TNIK: variants seen among roughly 807,000 people sequenced by gnomAD.
The protein encoded by TNIK is TRAF2 and NCK-interacting protein kinase.
A neutral mutation model predicts 191.3 loss-of-function variants in TNIK; 49 were observed. That is an observed-to-expected ratio of 0.26 (90% confidence interval 0.20 to 0.32). The LOEUF (loss-of-function observed/expected upper bound fraction) is 0.32. Ranked by LOEUF, TNIK falls within the 10% of genes least tolerant of loss-of-function variation. TNIK has a pLI of 1.00. For missense variants in TNIK, 1,155 were observed against 1,702.3 expected (o/e 0.68, Z 5.66); for synonymous variants, 594 against 600.9 (o/e 0.99, Z 0.17).
intron 12 of TNIK, among the ~76,000 whole-genome samples, chr3:171,142,416 TAAC>T (rs1730967860): frequency 6.6e-6 from 1 of 152,354 alleles, no homozygotes; most frequent in South Asian, 2.1e-4. Flanking sequence ...GAATAAAGAC[TAAC>T]AACTATACAG....
chr3:171,453,437 G>A (rs1269087313), intron 1 of TNIK, among the ~76,000 whole-genome samples: 2 of 152,092 alleles, frequency 1.3e-5, no homozygotes, highest in Non-Finnish European at 2.9e-5. Flanking sequence ...AGCATCCATG[G>A]GGGAATGAAA....
At chr3:171,436,905 C>T (rs1012241018) in intron 1 of TNIK, among the ~76,000 whole-genome samples, 2 of 152,184 alleles carry the variant, frequency 1.3e-5, no homozygotes, top group Non-Finnish European at 2.9e-5. Context: ...TCACACAGAG[C>T]CAGTGCATTT....
chr3:171,365,389 T>A (rs1488423886), intron 2 of TNIK, among the ~76,000 whole-genome samples: 1 of 151,670 alleles, frequency 6.6e-6, no homozygotes, highest in African/African-American at 2.4e-5. Context: ...TCCACGTTGG[T>A]CAGGCTGGTC....
At chr3:171,078,017 C>A (rs189503663) in intron 28 of TNIK, among the ~76,000 whole-genome samples, 1 of 152,138 alleles carries the variant, frequency 6.6e-6, no homozygotes, top group Non-Finnish European at 1.5e-5. Context: ...GCTGCTGAGA[C>A]GTCCCAGGCC....
intron 2 of TNIK, among the ~76,000 whole-genome samples, chr3:171,361,116 CAGCCTCAGCCCAGCAGCTCTCTATCCTG>C (rs148830798): frequency 0.024 from 3,681 of 152,312 alleles, 160 homozygotes; most frequent in African/African-American, 0.084. Flanking sequence ...ACACTACAGA[CAGCCTCAGCCCAGCAGCTCTCTATCCTG>C]GCTGTGCATT....
At chr3:171,257,771 T>C (rs1213361575) in intron 2 of TNIK, among the ~76,000 whole-genome samples, 1 of 152,168 alleles carries the variant, frequency 6.6e-6, no homozygotes, top group Non-Finnish European at 1.5e-5. Context: ...TTGATGTGAC[T>C]TTCTGGAGAG....
chr3:171,220,549 G>A (rs1742172346), intron 3 of TNIK, among the ~76,000 whole-genome samples: 1 of 152,138 alleles, frequency 6.6e-6, no homozygotes, highest in Non-Finnish European at 1.5e-5. Flanking sequence ...GGTGGGAAGT[G>A]TTGGCAGCAT....
intron 2 of TNIK, among the ~76,000 whole-genome samples, chr3:171,248,260 GGA>G (rs1745836157): frequency 6.6e-6 from 1 of 152,184 alleles, no homozygotes; most frequent in Admixed American, 6.5e-5. Flanking sequence ...GCGGAAGGGA[GGA>G]GAGGAGAGTG....
At chr3:171,287,259 TAAG>T (rs1170243101) in intron 2 of TNIK, among the ~76,000 whole-genome samples, 1 of 152,232 alleles carries the variant, frequency 6.6e-6, no homozygotes, top group Non-Finnish European at 1.5e-5. Context: ...TTTTCATTGT[TAAG>T]AAAATTTTCA....
chr3:171,459,961 C>T (rs1420392676), intron 1 of TNIK, 46 bp downstream of exon 1: 1 of 1,547,120 alleles, frequency 6.5e-7, no homozygotes, highest in East Asian at 2.4e-5. Flanking sequence ...AGCCCATTCA[C>T]CCTAACCCAA....
intron 18 of TNIK, among the ~76,000 whole-genome samples, chr3:171,118,934 C>T (rs7651829): frequency 0.054 from 8,276 of 152,262 alleles, 712 homozygotes; most frequent in African/African-American, 0.18. Flanking sequence ...CCAAAATTGA[C>T]AAATGGGATC....
chr3:171,243,198 T>C (rs983933071), intron 2 of TNIK, among the ~76,000 whole-genome samples: 3 of 151,672 alleles, frequency 2.0e-5, no homozygotes, highest in African/African-American at 7.3e-5. Flanking sequence ...TTCAGTGGAG[T>C]TGTCTAACCT....
At chr3:171,285,618 A>G (rs1409650942) in intron 2 of TNIK, among the ~76,000 whole-genome samples, 1 of 152,252 alleles carries the variant, frequency 6.6e-6, no homozygotes, top group Non-Finnish European at 1.5e-5. Flanking sequence ...CCAAATCAGT[A>G]TTATTATTAT....
intron 12 of TNIK, among the ~76,000 whole-genome samples, chr3:171,145,593 C>T (rs1483838835): frequency 2.0e-5 from 3 of 152,104 alleles, no homozygotes; most frequent in Non-Finnish European, 4.4e-5. Context: ...AATTTTGTCC[C>T]ACCTGTTCAG....
chr3:171,071,378 T>C, intron 28 of TNIK, 55 bp from the exon 29 acceptor site: 1 of 1,205,834 alleles, frequency 8.3e-7, no homozygotes, highest in Non-Finnish European at 1.2e-6. Context: ...AAGTTCTTTG[T>C]ATTAATATTA....
At chr3:171,101,084 A>G (rs1391018586) in intron 22 of TNIK, among the ~76,000 whole-genome samples, 1 of 152,084 alleles carries the variant, frequency 6.6e-6, no homozygotes, top group Non-Finnish European at 1.5e-5. Context: ...TAATCCCTAA[A>G]TGTCATTGCC....
At chr3:171,381,256 G>T (rs546569069) in intron 1 of TNIK, among the ~76,000 whole-genome samples, 2 of 152,128 alleles carry the variant, frequency 1.3e-5, no homozygotes, top group Non-Finnish European at 2.9e-5. Flanking sequence ...ATTTCCATGG[G>T]TGTTGAATTT....
chr3:171,295,005 A>AAGGG (rs1752106100), intron 2 of TNIK, among the ~76,000 whole-genome samples: 1 of 146,596 alleles, frequency 6.8e-6, no homozygotes, highest in Non-Finnish European at 1.5e-5. Context: ...CTGGCCAGGG[A>AAGGG]AGAGAGAGAG....
Position 171,063,795 on chromosome 3 carries a change from G to T in TNIK, c.*86C>A. ...ATGTTCAACCAAGCCTTCTGATTCT[G>T]CCTCTAGACTGGCATAAGTCCACAT... On this transcript the variant is annotated 3_prime_UTR_variant, in exon 33 of 33. Coordinates refer to ENST00000436636, the MANE Select transcript of TNIK (RefSeq NM_015028.4). 1 of 1,358,342 alleles carries T rather than the reference G, an allele frequency of 7.4e-7. No individual in the cohort carries two copies. 84.1% of individuals were successfully genotyped at this position (1,358,342 alleles called of 1,614,324 possible). A position where few individuals can be genotyped will look rare whatever the true frequency, so the allele number is the denominator to read the frequency against.
Sources: allele counts gnomAD v4.1 joint callset (sites outside exome capture counted in the v4.1 genomes callset), GRCh38; gene constraint gnomAD v4.1.1; transcripts MANE v1.5; gene names NCBI Gene and HGNC (gene_info 2026-07-23, HGNC 2026-07-21).